The following PLCG2 variants were observed in gnomAD, a reference collection of about 807,000 sequenced individuals.
PLCG2 encodes the protein 1-phosphatidylinositol 4,5-bisphosphate phosphodiesterase gamma-2.
PLCG2 carries 69 observed loss-of-function variants against 175.6 expected under a neutral mutation model. The observed-to-expected ratio is 0.39, with a 90% CI of 0.32 to 0.48. PLCG2 has a LOEUF of 0.48. Ranked by LOEUF, PLCG2 falls within the 20% of genes least tolerant of loss-of-function variation. The pLI, the probability that PLCG2 is intolerant of heterozygous loss-of-function variation, is 0.91. For synonymous variants in PLCG2, 827 were observed against 624.0 expected (o/e 1.33, Z -4.85); for missense variants, 1,798 against 1,650.9 (o/e 1.09, Z -1.54).
chr16:81,741,167 G>T (rs1022136218), intron 1 of PLCG2, among the ~76,000 whole-genome samples: 4 of 152,016 alleles, frequency 2.6e-5, no homozygotes, highest in Admixed American at 6.6e-5. Context: ...GGGTCCTCCA[G>T]GTCTGATGTG....
chr16:81,865,181 C>T (rs913910849), intron 5 of PLCG2, among the ~76,000 whole-genome samples: 4 of 152,098 alleles, frequency 2.6e-5, no homozygotes, highest in African/African-American at 4.8e-5. Flanking sequence ...TGTTCCCTTG[C>T]GTGGACTGGG....
chr16:81,752,205 C>G (rs1364143439), intron 1 of PLCG2, among the ~76,000 whole-genome samples: 1 of 151,998 alleles, frequency 6.6e-6, no homozygotes, highest in Non-Finnish European at 1.5e-5. Flanking sequence ...CTCAGAGTTC[C>G]CTGATGCTGG....
chr16:81,818,361 A>T (rs1158291388), intron 2 of PLCG2, among the ~76,000 whole-genome samples: 2 of 152,150 alleles, frequency 1.3e-5, no homozygotes, highest in Non-Finnish European at 2.9e-5. Flanking sequence ...GTGGGCATTT[A>T]ATGTCTCTCT....
chr16:81,848,208 G>A (rs1365700028), intron 2 of PLCG2, among the ~76,000 whole-genome samples: 1 of 152,210 alleles, frequency 6.6e-6, no homozygotes, highest in Non-Finnish European at 1.5e-5. Flanking sequence ...TGACAAAGGG[G>A]CAGAGGCCAC....
At chr16:81,855,883 G>C (rs1411697068) in intron 3 of PLCG2, among the ~76,000 whole-genome samples, 1 of 152,176 alleles carries the variant, frequency 6.6e-6, no homozygotes, top group Non-Finnish European at 1.5e-5. Flanking sequence ...TGATGATATG[G>C]AGGGGGAGTT....
chr16:81,938,713 G>C, intron 28 of PLCG2, 88 bp from the exon 29 acceptor site: 1 of 729,336 alleles, frequency 1.4e-6, no homozygotes, highest in Non-Finnish European at 2.4e-6. Context: ...AACTCATCCA[G>C]TGTCACTCTA....
chr16:81,922,246 A>C, intron 21 of PLCG2, among the ~76,000 whole-genome samples: 1 of 152,330 alleles, frequency 6.6e-6, no homozygotes, highest in East Asian at 1.9e-4. Flanking sequence ...ATCATGCACT[A>C]TGGCACTAAC....
chr16:81,907,627 C>A, intron 15 of PLCG2, 58 bp from the exon 16 acceptor site: 1 of 1,258,578 alleles, frequency 7.9e-7, no homozygotes, highest in Non-Finnish European at 1.2e-6. Flanking sequence ...GGCTCCTGGG[C>A]TCCACAGTTG....
At chr16:81,778,280 G>C (rs1910545450), upstream of PLCG2, among the ~76,000 whole-genome samples, 1 of 152,042 alleles carries the variant, frequency 6.6e-6, no homozygotes, top group Non-Finnish European at 1.5e-5. Flanking sequence ...AGAAGCAGGA[G>C]GATCGCTTGA....
intron 25 of PLCG2, among the ~76,000 whole-genome samples, chr16:81,932,779 A>C (rs1262306963): frequency 1.3e-5 from 2 of 151,652 alleles, no homozygotes; most frequent in Non-Finnish European, 2.9e-5. Context: ...TGACCCAGGA[A>C]CTCCTGGGGG....
chr16:81,821,235 A>T (rs1359858063), intron 2 of PLCG2, among the ~76,000 whole-genome samples: 1 of 152,252 alleles, frequency 6.6e-6, no homozygotes, highest in Non-Finnish European at 1.5e-5. Context: ...GGATTCAGTG[A>T]GTTAACATGT....
chr16:81,750,445 C>T (rs1201449668), intron 1 of PLCG2, among the ~76,000 whole-genome samples: 1 of 144,714 alleles, frequency 6.9e-6, no homozygotes, highest in South Asian at 2.2e-4. Context: ...AAAAAAAATC[C>T]AGCACAGCAA....
chr16:81,907,426 G>C (rs1204014459), intron 15 of PLCG2, among the ~76,000 whole-genome samples: 2 of 152,126 alleles, frequency 1.3e-5, no homozygotes, highest in African/African-American at 4.8e-5. Flanking sequence ...ATGATGAGGA[G>C]TTGTACCTAC....
intron 2 of PLCG2, among the ~76,000 whole-genome samples, chr16:81,760,315 C>G (rs1910011075): frequency 6.6e-6 from 1 of 152,122 alleles, no homozygotes; most frequent in African/African-American, 2.4e-5. Context: ...TTCTGCTGGG[C>G]TCAGGGTGCT....
At chr16:81,778,731 C>T (rs915287701), upstream of PLCG2, among the ~76,000 whole-genome samples, 3 of 152,186 alleles carry the variant, frequency 2.0e-5, no homozygotes, top group Non-Finnish European at 4.4e-5. Flanking sequence ...CTGACTCCAG[C>T]GCAGCCTCAA....
rs887404889 is a variant in PLCG2 at position 81,806,688 on chromosome 16, G to T, written c.193+20506G>T. On this transcript the variant is annotated intron_variant, in intron 2 of 32. Transcript: ENST00000564138. ...GGAAAGAAATAGAATGCTGAAAGGG[G>T]GATCATGAGGGTCCAGGTGTGGGGC... 2.6e-5 allele frequency among the ~76,000 whole-genome samples: 4 copies of T among 152,060 alleles called. No homozygotes were observed. The South Asian group carries it at 8.3e-4, about 32-fold the overall frequency.
intron 2 of PLCG2, among the ~76,000 whole-genome samples, chr16:81,847,642 C>T (rs12919270): frequency 0.29 from 43,634 of 151,974 alleles, 6,495 homozygotes; most frequent in African/African-American, 0.36. Flanking sequence ...TCTGCGTCTG[C>T]GGATTTAAGC....
chr16:81,857,929 T>C (rs1292925021), intron 3 of PLCG2: 3 of 274,414 alleles, frequency 1.1e-5, no homozygotes, highest in South Asian at 1.4e-4. Flanking sequence ...ATGTCTAGTA[T>C]ATATATGTAG....
At chr16:81,938,020 C>T (rs1023798805) in intron 28 of PLCG2, 117 bp downstream of exon 28, 11 of 864,494 alleles carry the variant, frequency 1.3e-5, no homozygotes, top group African/African-American at 3.4e-5. Flanking sequence ...CTTGTTTAAA[C>T]GATCCCCATT....
Sources: gnomAD v4.1 joint callset for allele counts (sites outside exome capture counted in the v4.1 genomes callset) on GRCh38, gnomAD v4.1.1 for gene constraint, MANE v1.5 for transcripts, NCBI Gene and HGNC (gene_info 2026-07-23, HGNC 2026-07-21) for gene names.